The following AHR variants were observed in gnomAD, a reference collection of about 807,000 sequenced individuals.
The protein encoded by AHR is AH-receptor.
In AHR, 40 loss-of-function variants were observed where a neutral mutation model predicts 86.8. That is an observed-to-expected ratio of 0.46 (90% CI 0.36 to 0.60). The LOEUF (loss-of-function observed/expected upper bound fraction) is 0.60, where lower values mean the gene tolerates loss of function less well. Among genes scored for constraint, AHR ranks in the 20% least tolerant of loss-of-function variants. The probability of loss-of-function intolerance (pLI) is 0.00; values close to 1 mark genes in which losing one functional copy is unlikely to be tolerated. For missense variants in AHR, 1,001 were observed against 1,011.6 expected (o/e 0.99, Z 0.14); for synonymous variants, 398 against 354.9 (o/e 1.12, Z -1.37).
At chr7:17,324,719 T>C (rs940543921) in intron 3 of AHR, among the ~76,000 whole-genome samples, 2 of 151,868 alleles carry the variant, frequency 1.3e-5, no homozygotes, top group Non-Finnish European at 2.9e-5. Context: ...CGAGAATCGC[T>C]TGAAGCCAGG....
At chr7:17,324,165 TAAG>T (rs546742385) in intron 3 of AHR, among the ~76,000 whole-genome samples, 15 of 152,186 alleles carry the variant, frequency 9.9e-5, no homozygotes, top group Non-Finnish European at 2.1e-4. Flanking sequence ...TGGTAACCCT[TAAG>T]AAGTTAAAAT....
chr7:17,319,380 G>C (rs1008426151), intron 2 of AHR, among the ~76,000 whole-genome samples: 1 of 152,010 alleles, frequency 6.6e-6, no homozygotes, highest in Non-Finnish European at 1.5e-5. Context: ...CAAAGTGGGC[G>C]GTGGCTAATA....
In AHR at chr7:17,341,522, C is replaced by A. The variant is rs183686897; in HGVS notation, c.2403+1294C>A. 4.6e-5 allele frequency among the ~76,000 whole-genome samples: 7 copies of A among 152,174 alleles called. No homozygotes were observed. In the East Asian group the frequency reaches 1.4e-3, roughly 29 times the overall value. On this transcript the variant is annotated intron_variant, in intron 10 of 10. Coordinates refer to ENST00000242057, the MANE Select transcript of AHR (RefSeq NM_001621.5). ...GTAAATAACCAAATAATTCTATAGACCTACATATGTTCCAGAGTACATGTT... is the reference window on the plus strand; with the variant it reads ...GTAAATAACCAAATAATTCTATAGAACTACATATGTTCCAGAGTACATGTT...
At chr7:17,301,761 T>C (rs1280443049) in intron 1 of AHR, among the ~76,000 whole-genome samples, 1 of 151,942 alleles carries the variant, frequency 6.6e-6, no homozygotes, top group Non-Finnish European at 1.5e-5. Context: ...CACTGAAGTA[T>C]CTCCAACATA....
chr7:17,336,676 A>AATGT (rs1205136291), intron 9 of AHR, among the ~76,000 whole-genome samples: 32 of 152,296 alleles, frequency 2.1e-4, no homozygotes, highest in Admixed American at 6.5e-5. Context: ...GAACATGATG[A>AATGT]ATGTATGTAT....
rs568069528 is a variant in AHR at position 17,338,154 on chromosome 7, G to C, written c.1161-832G>C. Among the ~76,000 whole-genome samples the C allele has an allele frequency of 7.4e-4, 110 of 148,608 alleles. 1 individual carries two copies. Among genetic ancestry groups the C allele is most frequent in the African/African-American group, 2.6e-3 (104 of 40,472 alleles). On this transcript the variant is annotated intron_variant, in intron 9 of 10. Transcript: ENST00000242057. ...GCGGAGCTTGCAGTGAGCCGAGATCGCGCCACTGCACTCCAGCCTGGGCGA... is the reference window on the plus strand; with the variant it reads ...GCGGAGCTTGCAGTGAGCCGAGATCCCGCCACTGCACTCCAGCCTGGGCGA...
intron 9 of AHR, chr7:17,336,046 G>A (rs1002359951): frequency 4.2e-5 from 13 of 311,838 alleles, no homozygotes; most frequent in Non-Finnish European, 7.5e-5. Flanking sequence ...CACATGAAAA[G>A]CTAGTGTCAT....
rs754689048 is a variant in AHR, at chr7:17,342,984, A to C, written c.2467A>C (p.Thr823Pro). The change falls in exon 11 of 11, where the codon ACT (threonine) becomes CCT (proline). Residue 823 changes from threonine to proline, a missense_variant. Coordinates refer to ENST00000242057, the MANE Select transcript of AHR (RefSeq NM_001621.5). The stretch of plus-strand genomic sequence containing the variant: ...ATTAAATAACATAAATAACACTCAG[A>C]CTACCACACATCTTCAGCCACTTCA... ...AELNNINNTQ[T>P]TTHLQPLHHP... 1 of 1,613,514 alleles carries C rather than the reference A, an allele frequency of 6.2e-7. No homozygotes were observed. The highest frequency in any genetic ancestry group is 8.5e-7 in the Non-Finnish European group (1 of 1,179,460).
intron 1 of AHR, among the ~76,000 whole-genome samples, chr7:17,299,535 T>C (rs1417348590): frequency 6.6e-6 from 1 of 152,218 alleles, no homozygotes; most frequent in African/African-American, 2.4e-5. Flanking sequence ...TTAAAAATTG[T>C]CCTCCCACCC....
At position 17,334,868 on chromosome 7, in the gene AHR, CT is replaced by C; in HGVS notation, c.909-12del. ...AAATCTTAATCCATTCTTATTTTAC[CT>C]TTTTTTATTTTAAACAGAGGAAGAA... On this transcript the variant is annotated intron_variant, in intron 7 of 10. Coordinates refer to ENST00000242057, the MANE Select transcript of AHR (RefSeq NM_001621.5). 14 of 1,541,144 alleles carry C rather than the reference CT, an allele frequency of 9.1e-6. No individual in the cohort carries two copies. The highest frequency in any genetic ancestry group is 3.7e-5 in the Admixed American group (2 of 54,788).
chr7:17,342,720 G>A (rs1299327274), intron 10 of AHR, among the ~76,000 whole-genome samples: 1 of 152,080 alleles, frequency 6.6e-6, no homozygotes, highest in Non-Finnish European at 1.5e-5. Flanking sequence ...TGGAAAAACA[G>A]GTTATAAATG....
At chr7:17,318,206 T>C (rs79503146) in intron 2 of AHR, among the ~76,000 whole-genome samples, 77 of 152,268 alleles carry the variant, frequency 5.1e-4, no homozygotes, top group African/African-American at 1.8e-3. Flanking sequence ...CACTATTCGG[T>C]ATTCCTCATG....
At position 17,340,186 on chromosome 7, in the gene AHR, G is replaced by A. The variant is rs1224518665; in HGVS notation, c.2361G>A (p.Gln787=). 5 of 1,613,126 alleles carry A rather than the reference G, an allele frequency of 3.1e-6. No individual in the cohort carries two copies. Among genetic ancestry groups the A allele is most frequent in the Admixed American group, 1.7e-5 (1 of 59,864 alleles). The part of the protein sequence containing the change: ...EPQHTHVGQM[Q]YNPVLPGQQA... ...AGCACACCCACGTGGGTCAGATGCA[G>A]TACAATCCAGTACTGCCAGGCCAAC... The change falls in exon 10 of 11, where the codon CAG becomes CAA. Residue 787 remains glutamine, a synonymous_variant. Coordinates refer to ENST00000242057, the MANE Select transcript of AHR (RefSeq NM_001621.5).
chr7:17,303,524 C>T (rs1781974722), intron 1 of AHR, among the ~76,000 whole-genome samples: 1 of 151,930 alleles, frequency 6.6e-6, no homozygotes, highest in Non-Finnish European at 1.5e-5. Context: ...TACGTCCTTT[C>T]CTCTTAGAGT....
intron 1 of AHR, among the ~76,000 whole-genome samples, chr7:17,308,499 A>G (rs1782028181): frequency 6.6e-6 from 1 of 152,240 alleles, no homozygotes; most frequent in South Asian, 2.1e-4. Flanking sequence ...AGAGAATTAC[A>G]CAATGAGGTA....
intron 2 of AHR, among the ~76,000 whole-genome samples, chr7:17,320,630 A>G (rs547868749): frequency 2.0e-5 from 3 of 152,124 alleles, no homozygotes; most frequent in Admixed American, 6.6e-5. Context: ...AATATAGTTG[A>G]CTCTGACGTT....
intron 7 of AHR, 125 bp from the exon 8 acceptor site, chr7:17,334,762 G>C (rs1208938335): frequency 1.6e-6 from 1 of 635,300 alleles, no homozygotes; most frequent in African/African-American, 1.8e-5. Context: ...CTACTTATGT[G>C]AAATTCTAAA....
chr7:17,318,797 C>T (rs1438858021), intron 2 of AHR, among the ~76,000 whole-genome samples: 1 of 152,070 alleles, frequency 6.6e-6, no homozygotes, highest in African/African-American at 2.4e-5. Flanking sequence ...ATAACATGAA[C>T]AGCCGATTAA....
In AHR at chr7:17,309,972, T is replaced by C. The variant is rs780408613; in HGVS notation, c.102T>C (p.Asn34=). 1.2e-6 allele frequency: 2 copies of C among 1,604,052 alleles called. No individual in the cohort carries two copies. The highest frequency in any genetic ancestry group is 1.7e-5 in the Admixed American group (1 of 59,940). ...KPIPAEGIKS[N]PSKRHRDRLN... ...TCCCAGCTGAAGGAATCAAGTCAAATCCTTCCAAGCGGCATAGAGACCGAC... is the reference window on the plus strand; with the variant it reads ...TCCCAGCTGAAGGAATCAAGTCAAACCCTTCCAAGCGGCATAGAGACCGAC... Residue 34 remains asparagine, a synonymous_variant, in exon 2 of 11, where the codon AAT becomes AAC. Coordinates refer to ENST00000242057, the MANE Select transcript of AHR (RefSeq NM_001621.5).
Sources: gnomAD v4.1 joint callset for allele counts (sites outside exome capture counted in the v4.1 genomes callset) on GRCh38, gnomAD v4.1.1 for gene constraint, MANE v1.5 for transcripts, NCBI Gene and HGNC (gene_info 2026-07-23, HGNC 2026-07-21) for gene names.